TMEM170B: variants seen among roughly 807,000 people sequenced by gnomAD.
The protein encoded by TMEM170B is transmembrane protein 170B.
Under a neutral mutation model 13.0 loss-of-function variants are expected in TMEM170B, and 6 were observed. The ratio of observed to expected loss-of-function variants is 0.46; its 90% CI spans 0.25 to 0.91. The LOEUF (loss-of-function observed/expected upper bound fraction) is 0.91. Ranked by LOEUF, TMEM170B falls within the 40% of genes least tolerant of loss-of-function variation. TMEM170B has a pLI of 0.17. For missense variants in TMEM170B, 138 were observed against 165.2 expected (o/e 0.84, Z 0.90); for synonymous variants, 61 against 64.9 (o/e 0.94, Z 0.29).
intron 1 of TMEM170B, among the ~76,000 whole-genome samples, chr6:11,549,015 T>C (rs1759480403): frequency 6.6e-6 from 1 of 152,136 alleles, no homozygotes; most frequent in South Asian, 2.1e-4. Flanking sequence ...ATGGCATATG[T>C]ATACATATGT....
chr6:11,561,876 T>C (rs1297223645), intron 1 of TMEM170B, among the ~76,000 whole-genome samples: 3 of 152,222 alleles, frequency 2.0e-5, no homozygotes, highest in African/African-American at 7.2e-5. Context: ...AACATTAAAC[T>C]GAAATTTTAC....
Position 11,542,596 on chromosome 6 carries a change from T to G in TMEM170B, c.97+4222T>G, listed in dbSNP as rs139327173. 2.8e-3 allele frequency among the ~76,000 whole-genome samples: 429 copies of G among 152,286 alleles called. 3 individuals are homozygous for G. The highest frequency in any genetic ancestry group is 0.026 in the East Asian group (133 of 5,192). ...GATAAAAATGCAGAAAGAAACAGAT[T>G]AGAAATATGTTTCACTAGTGGTAGA... On this transcript the variant is annotated intron_variant, in intron 1 of 2. Coordinates refer to ENST00000379426, the MANE Select transcript of TMEM170B (RefSeq NM_001100829.3).
rs1759941827 is a variant in TMEM170B, at chr6:11,580,538, A to C, written c.*4977A>C. ...AGAAATTCTAGCAGATTTCGATTGC[A>C]GAGAAATTTGGTAACACTTTTTGGG... On this transcript the variant is annotated 3_prime_UTR_variant, in exon 3 of 3. Transcript: ENST00000379426. 6.6e-6 allele frequency: 1 copy of C among 152,212 alleles called. No individual in the cohort carries two copies. The highest frequency in any genetic ancestry group is 2.1e-4 in the South Asian group (1 of 4,828). 9.4% of individuals were successfully genotyped at this position (152,212 alleles called of 1,614,324 possible).
chr6:11,550,327 C>T (rs1759508589), intron 1 of TMEM170B, among the ~76,000 whole-genome samples: 1 of 152,094 alleles, frequency 6.6e-6, no homozygotes. Context: ...GTGCCCACCA[C>T]CATGCCCAGC....
In TMEM170B at chr6:11,565,849, T is replaced by G; in HGVS notation, c.268+13T>G. The G allele has an allele frequency of 6.2e-7, 1 of 1,613,960 alleles. No individual in the cohort carries two copies. Among genetic ancestry groups the G allele is most frequent in the African/African-American group, 1.3e-5 (1 of 75,040 alleles). On this transcript the variant is annotated intron_variant, in intron 2 of 2. Coordinates refer to ENST00000379426, the MANE Select transcript of TMEM170B (RefSeq NM_001100829.3). Reference sequence around the variant, plus strand: ...GCGATGATTACCAGTAAGTTGATTTTCTTTTGTCTGAGGATGTAAGTTTGT... The same window carrying G: ...GCGATGATTACCAGTAAGTTGATTTGCTTTTGTCTGAGGATGTAAGTTTGT...
chr6:11,541,815 T>C (rs1260544705), intron 1 of TMEM170B, among the ~76,000 whole-genome samples: 10 of 152,102 alleles, frequency 6.6e-5, no homozygotes, highest in Non-Finnish European at 5.9e-5. Context: ...CAGAGGCCAA[T>C]GTAGGATTAT....
At chr6:11,564,408 T>G (rs1213514081) in intron 1 of TMEM170B, among the ~76,000 whole-genome samples, 1 of 152,236 alleles carries the variant, frequency 6.6e-6, no homozygotes, top group Non-Finnish European at 1.5e-5. Context: ...TTCATCCATT[T>G]TAATTCTTTA....
At chr6:11,538,867 G>A (rs776045348) in intron 1 of TMEM170B, among the ~76,000 whole-genome samples, 1 of 152,126 alleles carries the variant, frequency 6.6e-6, no homozygotes, top group Non-Finnish European at 1.5e-5. Context: ...TAATTTTTTG[G>A]GCGATGTAGA....
chr6:11,544,561 C>T lies in TMEM170B; in HGVS notation c.97+6187C>T, dbSNP rs190924254. Among the ~76,000 whole-genome samples the T allele has an allele frequency of 2.6e-5, 4 of 152,312 alleles. No homozygotes were observed. The East Asian group carries it at 5.8e-4, about 22-fold the overall frequency. On this transcript the variant is annotated intron_variant, in intron 1 of 2. Coordinates refer to ENST00000379426, the MANE Select transcript of TMEM170B (RefSeq NM_001100829.3). Reference sequence around the variant, plus strand: ...CATTGCCCTTGTAAAAGCTAGTGATCCATATTCATTATCTAGCCAGTTTTA... The same window carrying T: ...CATTGCCCTTGTAAAAGCTAGTGATTCATATTCATTATCTAGCCAGTTTTA...
At chr6:11,548,004 G>A (rs1345639999) in intron 1 of TMEM170B, among the ~76,000 whole-genome samples, 3 of 152,156 alleles carry the variant, frequency 2.0e-5, no homozygotes, top group Non-Finnish European at 4.4e-5. Flanking sequence ...CTAAACAGAA[G>A]AGAGAGGAGG....
At chr6:11,561,947 A>G (rs1240858528) in intron 1 of TMEM170B, among the ~76,000 whole-genome samples, 2 of 152,236 alleles carry the variant, frequency 1.3e-5, no homozygotes, top group African/African-American at 4.8e-5. Context: ...GTAGTCAAAC[A>G]ACACTACTTT....
At chr6:11,565,255 T>C (rs1759718883) in intron 1 of TMEM170B, among the ~76,000 whole-genome samples, 1 of 152,216 alleles carries the variant, frequency 6.6e-6, no homozygotes, top group Admixed American at 6.5e-5. Flanking sequence ...CTGGAATGAT[T>C]TGAATTAGAA....
intron 2 of TMEM170B, among the ~76,000 whole-genome samples, chr6:11,567,134 C>G (rs183369400): frequency 6.6e-6 from 1 of 152,236 alleles, no homozygotes; most frequent in Admixed American, 6.5e-5. Flanking sequence ...CCACTCCTGA[C>G]AACCTACCTA....
rs1759856135 is a variant in TMEM170B, at chr6:11,575,067, TTATAC to T, written c.269-362_269-358del. Among the ~76,000 whole-genome samples, 1 of 152,152 alleles carries T rather than the reference TTATAC, an allele frequency of 6.6e-6. No individual in the cohort carries two copies. Among genetic ancestry groups the T allele is most frequent in the African/African-American group, 2.4e-5 (1 of 41,444 alleles). On this transcript the variant is annotated intron_variant, in intron 2 of 2. Coordinates refer to ENST00000379426, the MANE Select transcript of TMEM170B (RefSeq NM_001100829.3). The surrounding 1 kb of genome is among the most constrained non-coding windows in gnomAD (Gnocchi z 4.1). ...ATTATCACTTGTAATTATCAGTATG[TTATAC>T]TGTATGTTTACAAAAATGCTAAAGA...
chr6:11,569,682 C>T (rs369889820), intron 2 of TMEM170B, among the ~76,000 whole-genome samples: 10 of 152,108 alleles, frequency 6.6e-5, no homozygotes, highest in South Asian at 4.1e-4. Context: ...ATAGAGTCTA[C>T]CTTTGTTTTA....
At chr6:11,556,670 C>A (rs148910110) in intron 1 of TMEM170B, among the ~76,000 whole-genome samples, 1 of 152,082 alleles carries the variant, frequency 6.6e-6, no homozygotes. Flanking sequence ...GTCCTTCCAT[C>A]GGCAGTAACA....
At chr6:11,570,443 C>T (rs1039683009) in intron 2 of TMEM170B, among the ~76,000 whole-genome samples, 1 of 151,584 alleles carries the variant, frequency 6.6e-6, no homozygotes, top group African/African-American at 2.4e-5. Flanking sequence ...AAATACAGAG[C>T]ATAATAGAAG....
At chr6:11,563,210 C>T (rs984214582) in intron 1 of TMEM170B, among the ~76,000 whole-genome samples, 8 of 152,070 alleles carry the variant, frequency 5.3e-5, no homozygotes, top group African/African-American at 1.7e-4. Context: ...GTGACGGGCA[C>T]CTGTAATCCC....
chr6:11,551,349 A>G (rs1472569555), intron 1 of TMEM170B, among the ~76,000 whole-genome samples: 2 of 152,186 alleles, frequency 1.3e-5, no homozygotes, highest in Non-Finnish European at 2.9e-5. Context: ...CAGCTCTGGA[A>G]CATTGTGCGA....
Sources: gnomAD v4.1 joint callset for allele counts (sites outside exome capture counted in the v4.1 genomes callset) on GRCh38, gnomAD v4.1.1 for gene constraint, Gnocchi (gnomAD v3.1) non-coding constraint, MANE v1.5 for transcripts, NCBI Gene and HGNC (gene_info 2026-07-23, HGNC 2026-07-21) for gene names.